ADGRB3: variants seen among roughly 807,000 people sequenced by gnomAD.
ADGRB3 encodes the protein adhesion G protein-coupled receptor B3, also known as brain-specific angiogenesis inhibitor 3.
In ADGRB3, 37 loss-of-function variants were observed where a neutral mutation model predicts 193.4. The observed-to-expected ratio is 0.19, with a 90% CI of 0.15 to 0.25. The LOEUF (loss-of-function observed/expected upper bound fraction) is 0.25, where lower values mean the gene tolerates loss of function less well. Among genes scored for constraint, ADGRB3 ranks in the 10% least tolerant of loss-of-function variants. The pLI is 1.00. For missense variants in ADGRB3, 1,637 were observed against 1,852.9 expected (o/e 0.88, Z 2.14); for synonymous variants, 690 against 644.2 (o/e 1.07, Z -1.08).
In ADGRB3 at chr6:68,638,974, A is replaced by G. The variant is rs1455973355; in HGVS notation, c.299A>G (p.Asp100Gly). 2 of 1,613,996 alleles carry G rather than the reference A, an allele frequency of 1.2e-6. No homozygotes were observed. Among genetic ancestry groups the G allele is most frequent in the South Asian group, 2.2e-5 (2 of 91,062 alleles). ...FDHFSHEKIK[D>G]LLRKNHSIMQ... ...CATTTTTCCCATGAAAAAATAAAGG[A>G]TCTTTTAAGAAAGAATCATTCTATA... Residue 100 changes from aspartate (D) to glycine (G), a missense_variant, in exon 3 of 32, where the codon GAT becomes GGT. This residue lies in a region of ADGRB3 where 365 missense variants were observed against 409.8 expected (regional missense o/e 0.89). Transcript: ENST00000370598.
chr6:68,810,611 G>A (rs1767492482), intron 3 of ADGRB3, among the ~76,000 whole-genome samples: 1 of 152,150 alleles, frequency 6.6e-6, no homozygotes, highest in African/African-American at 2.4e-5. Flanking sequence ...TGAGGTAGAC[G>A]ATTTTGAGTG....
At chr6:68,917,654 T>C (rs1353202611) in intron 3 of ADGRB3, among the ~76,000 whole-genome samples, 2 of 152,128 alleles carry the variant, frequency 1.3e-5, no homozygotes, top group African/African-American at 4.8e-5. Flanking sequence ...GCCTTATCCA[T>C]TGGGCACTCA....
chr6:69,373,095 A>G (rs1411829714), intron 30 of ADGRB3, among the ~76,000 whole-genome samples: 1 of 152,156 alleles, frequency 6.6e-6, no homozygotes, highest in Non-Finnish European at 1.5e-5. Context: ...GGTTATGCTA[A>G]ATACAAAATT....
intron 20 of ADGRB3, among the ~76,000 whole-genome samples, chr6:69,305,455 G>T (rs1014545938): frequency 1.3e-5 from 2 of 151,418 alleles, no homozygotes; most frequent in African/African-American, 4.9e-5. Flanking sequence ...ATATTAAGTT[G>T]CCACCCATCT....
chr6:69,376,461 A>G (rs1769823482), intron 30 of ADGRB3, among the ~76,000 whole-genome samples: 1 of 151,872 alleles, frequency 6.6e-6, no homozygotes. Context: ...CCATACTTCC[A>G]CTATTTTCAT....
chr6:68,785,699 A>C (rs1033618539), intron 3 of ADGRB3, among the ~76,000 whole-genome samples: 1 of 152,102 alleles, frequency 6.6e-6, no homozygotes, highest in Non-Finnish European at 1.5e-5. Flanking sequence ...GTCAAATGCT[A>C]TTTCTAGTTC....
intron 17 of ADGRB3, among the ~76,000 whole-genome samples, chr6:69,211,779 T>C (rs1170321231): frequency 1.3e-5 from 2 of 152,210 alleles, no homozygotes; most frequent in African/African-American, 2.4e-5. Flanking sequence ...GACGACTCCA[T>C]ACCCATCTCC....
At chr6:68,864,669 A>G (rs939960396) in intron 3 of ADGRB3, among the ~76,000 whole-genome samples, 4 of 152,204 alleles carry the variant, frequency 2.6e-5, no homozygotes, top group Admixed American at 1.3e-4. Flanking sequence ...GATACTAATT[A>G]CTACAAGAAA....
chr6:68,725,589 G>C (rs1249103970), intron 3 of ADGRB3, among the ~76,000 whole-genome samples: 2 of 151,674 alleles, frequency 1.3e-5, no homozygotes, highest in Non-Finnish European at 3.0e-5. Context: ...GTTTTAGCCT[G>C]AGTAACATGG....
In ADGRB3 at chr6:69,202,368, T is replaced by C. The variant is rs139157107; in HGVS notation, c.2481-30922T>C. On this transcript the variant is annotated intron_variant, in intron 17 of 31. Transcript: ENST00000370598. ...AAGTGGATCCTGACTGTCTTTCCTC[T>C]TATATTTAGGGCATTAACACTTAAC... Among the ~76,000 whole-genome samples, 343 of 152,254 alleles carry C rather than the reference T, an allele frequency of 2.3e-3. 4 individuals carry two copies. Among genetic ancestry groups the C allele is most frequent in the African/African-American group, 8.1e-3 (336 of 41,564 alleles).
intron 10 of ADGRB3, among the ~76,000 whole-genome samples, chr6:68,991,783 T>C (rs1230029033): frequency 2.0e-5 from 3 of 152,140 alleles, no homozygotes; most frequent in African/African-American, 7.2e-5. Flanking sequence ...TAGGCTTGTG[T>C]GGGTTGAATT....
At chr6:68,820,932 G>A (rs1267964055) in intron 3 of ADGRB3, among the ~76,000 whole-genome samples, 1 of 152,042 alleles carries the variant, frequency 6.6e-6, no homozygotes, top group Admixed American at 6.6e-5. Flanking sequence ...TATACACTGT[G>A]TCAGTAACAT....
intron 8 of ADGRB3, among the ~76,000 whole-genome samples, chr6:68,972,151 G>T (rs553542794): frequency 3.9e-5 from 6 of 152,346 alleles, no homozygotes; most frequent in Admixed American, 2.0e-4. Context: ...CTATTCCCAA[G>T]ATATTGAAGG....
At chr6:68,770,619 G>C (rs1255423426) in intron 3 of ADGRB3, among the ~76,000 whole-genome samples, 2 of 152,108 alleles carry the variant, frequency 1.3e-5, no homozygotes, top group Non-Finnish European at 2.9e-5. Flanking sequence ...TGTCCTAAAA[G>C]TAAGAGGTAA....
chr6:68,916,406 T>G (rs1348892176), intron 3 of ADGRB3, among the ~76,000 whole-genome samples: 2 of 152,192 alleles, frequency 1.3e-5, no homozygotes, highest in East Asian at 3.8e-4. Context: ...TCCTCTCTCT[T>G]TCTTTTCTCT....
At chr6:69,081,529 G>C (rs1209443495) in intron 17 of ADGRB3, among the ~76,000 whole-genome samples, 1 of 151,920 alleles carries the variant, frequency 6.6e-6, no homozygotes, top group Non-Finnish European at 1.5e-5. Flanking sequence ...ATTTATTGGT[G>C]AGAAACTAAA....
At chr6:68,944,137 G>T in intron 6 of ADGRB3, 143 bp downstream of exon 6, 1 of 843,062 alleles carries the variant, frequency 1.2e-6, no homozygotes, top group Non-Finnish European at 1.7e-6. Flanking sequence ...CCTAAAACTG[G>T]GTACTTTTCT....
intron 3 of ADGRB3, among the ~76,000 whole-genome samples, chr6:68,824,124 C>T (rs1051933219): frequency 6.6e-6 from 1 of 152,028 alleles, no homozygotes; most frequent in Non-Finnish European, 1.5e-5. Context: ...TCTATTTTCA[C>T]TTTGAATATG....
chr6:68,700,415 C>T (rs201305456), intron 3 of ADGRB3, among the ~76,000 whole-genome samples: 25 of 151,672 alleles, frequency 1.6e-4, no homozygotes, highest in East Asian at 9.7e-4. Context: ...AATCTATAAA[C>T]GGTTGGAATC....
Sources: allele counts gnomAD v4.1 joint callset (sites outside exome capture counted in the v4.1 genomes callset), GRCh38; gene constraint gnomAD v4.1.1; regional missense constraint gnomAD v4.1.1; transcripts MANE v1.5; gene names NCBI Gene and HGNC (gene_info 2026-07-23, HGNC 2026-07-21).